EXTL3: variants seen among roughly 807,000 people sequenced by gnomAD.
The protein encoded by EXTL3 is exostosin like glycosyltransferase 3, also known as exostosin-like 3.
Under a neutral mutation model 69.3 loss-of-function variants are expected in EXTL3, and 27 were observed. That is an observed-to-expected ratio of 0.39 (90% CI 0.29 to 0.54). The LOEUF is 0.54. Among genes scored for constraint, EXTL3 ranks in the 20% least tolerant of loss-of-function variants. The pLI is 0.69. For synonymous variants in EXTL3, 511 were observed against 499.4 expected (o/e 1.02, Z -0.31); for missense variants, 1,003 against 1,231.8 (o/e 0.81, Z 2.78).
intron 1 of EXTL3, among the ~76,000 whole-genome samples, chr8:28,644,471 A>G (rs115619489): frequency 0.05 from 7,590 of 152,060 alleles, 506 homozygotes; most frequent in African/African-American, 0.15. Context: ...GGCCAAGACA[A>G]GAGGATCACT....
Position 28,626,499 on chromosome 8 carries a change from G to A in EXTL3, c.-53+3689G>A, listed in dbSNP as rs554999484. 4.6e-5 allele frequency among the ~76,000 whole-genome samples: 7 copies of A among 152,326 alleles called. No homozygotes were observed. The South Asian group carries it at 1.2e-3, about 27-fold the overall frequency. Reference sequence around the variant, plus strand: ...GTGGAACGTGTGGCCAAATGGTCATGCATTCCTAGACATTATCAGCTTTCT... The same window carrying A: ...GTGGAACGTGTGGCCAAATGGTCATACATTCCTAGACATTATCAGCTTTCT... On this transcript the variant is annotated intron_variant, in intron 1 of 6. Transcript: ENST00000523149.
chr8:28,749,158 A>G (rs1179108166), intron 6 of EXTL3, among the ~76,000 whole-genome samples: 2 of 152,198 alleles, frequency 1.3e-5, no homozygotes, highest in Non-Finnish European at 2.9e-5. Flanking sequence ...TCAGCCACCA[A>G]GAAAACAGCT....
chr8:28,679,317 G>A lies in EXTL3; in HGVS notation c.-52-34140G>A, dbSNP rs750219682. 5.3e-5 allele frequency among the ~76,000 whole-genome samples: 8 copies of A among 152,098 alleles called. 1 individual carries two copies. The highest frequency in any genetic ancestry group is 1.3e-4 in the Admixed American group (2 of 15,264). On this transcript the variant is annotated intron_variant, in intron 1 of 6. Coordinates refer to the EXTL3 transcript ENST00000523149. Reference sequence around the variant, plus strand: ...AAAAATTATCTGAGTGTGGTGGCGCGTGCCTGTAGTCCCAGCTACTCGGGA... The same window carrying A: ...AAAAATTATCTGAGTGTGGTGGCGCATGCCTGTAGTCCCAGCTACTCGGGA...
intron 1 of EXTL3, among the ~76,000 whole-genome samples, chr8:28,627,488 CAAA>C (rs35382851): frequency 1.4e-4 from 13 of 92,950 alleles, no homozygotes; most frequent in African/African-American, 1.3e-4. Context: ...GACCCTGTCT[CAAA>C]AAAAAAAAAA....
intron 2 of EXTL3, among the ~76,000 whole-genome samples, chr8:28,610,432 C>T (rs867990960): frequency 6.6e-6 from 1 of 152,074 alleles, no homozygotes; most frequent in South Asian, 2.1e-4. Context: ...GTTTCATTCC[C>T]CACCTGACCT....
intron 1 of EXTL3, among the ~76,000 whole-genome samples, chr8:28,707,818 G>A (rs1800954468): frequency 6.6e-6 from 1 of 152,152 alleles, no homozygotes; most frequent in African/African-American, 2.4e-5. Context: ...AATACGATTT[G>A]GATTTGTGGG....
chr8:28,681,400 T>A (rs2856803), intron 1 of EXTL3, among the ~76,000 whole-genome samples: 10 of 151,952 alleles, frequency 6.6e-5, no homozygotes, highest in Admixed American at 1.3e-4. Context: ...TGTCTGTAAT[T>A]CCAGCTATTC....
At chr8:28,743,280 G>A (rs1801817378) in intron 6 of EXTL3, 66 bp downstream of exon 6, 3 of 1,581,698 alleles carry the variant, frequency 1.9e-6, no homozygotes, top group Admixed American at 3.3e-5. Context: ...TTGCAGTAGT[G>A]CAGCACGTAA....
At chr8:28,690,767 A>G (rs1210028633) in intron 1 of EXTL3, among the ~76,000 whole-genome samples, 1 of 152,202 alleles carries the variant, frequency 6.6e-6, no homozygotes, top group Non-Finnish European at 1.5e-5. Context: ...AAGAAGGAGA[A>G]AGCAACCAAG....
At chr8:28,680,569 TTG>T (rs144099744) in intron 1 of EXTL3, among the ~76,000 whole-genome samples, 2 of 151,656 alleles carry the variant, frequency 1.3e-5, no homozygotes, top group African/African-American at 4.8e-5. Flanking sequence ...ACATACTTAT[TTG>T]TGTGTGTGTG....
chr8:28,716,296 G>C lies in EXTL3; in HGVS notation c.237G>C (p.Val79=), dbSNP rs767256866. The C allele has an allele frequency of 6.2e-7, 1 of 1,614,242 alleles. No individual in the cohort carries two copies. Among genetic ancestry groups the C allele is most frequent in the Non-Finnish European group, 8.5e-7 (1 of 1,180,040 alleles). Residue 79 remains valine, a synonymous_variant, in exon 3 of 7, where the codon GTG becomes GTC. Transcript: ENST00000220562. This position sits in a 1 kb window ranked among gnomAD's most constrained non-coding sequence, Gnocchi z 7.1. ...VGNELCEVKH[V]LDLCRIRESV... The stretch of plus-strand genomic sequence containing the variant: ...ACGAGCTGTGCGAGGTGAAGCACGT[G>C]CTGGATCTGTGCCGCATCCGGGAGT...
At position 28,731,258 on chromosome 8, in the gene EXTL3, A is replaced by T; in HGVS notation, c.2184A>T (p.Arg728=). Residue 728 remains arginine (R), a synonymous_variant, in exon 4 of 7, where the codon CGA becomes CGT. Coordinates refer to ENST00000220562, the MANE Select transcript of EXTL3 (RefSeq NM_001440.4). ...CTGAGAAGAACAGTTTGAACAACCGATTCTTACCCTGGAATGAAATTGAGA... is the reference window on the plus strand; with the variant it reads ...CTGAGAAGAACAGTTTGAACAACCGTTTCTTACCCTGGAATGAAATTGAGA... ...VRTEKNSLNN[R]FLPWNEIETE... 1 of 1,614,160 alleles carries T rather than the reference A, an allele frequency of 6.2e-7. No individual in the cohort carries two copies. The highest frequency in any genetic ancestry group is 8.5e-7 in the Non-Finnish European group (1 of 1,179,990).
Position 28,743,162 on chromosome 8 carries a change from A to T in EXTL3, c.2498A>T (p.Asp833Val). Residue 833 changes from aspartate to valine, a missense_variant, in exon 6 of 7, where the codon GAC becomes GTC. Asp to Val is a radical substitution (Grantham distance 152). Transcript: ENST00000220562. ...GTGGATGAATACATCAACTGTGAGG[A>T]CATTGCCATGAACTTCCTTGTCTCC... is the stretch of plus-strand genomic sequence containing the variant. ...DMVDEYINCE[D>V]IAMNFLVSHI... 6.2e-7 allele frequency: 1 copy of T among 1,614,230 alleles called. No individual in the cohort carries two copies. Among genetic ancestry groups the T allele is most frequent in the Non-Finnish European group, 8.5e-7 (1 of 1,180,016 alleles).
intron 2 of EXTL3, among the ~76,000 whole-genome samples, chr8:28,610,879 A>G (rs1270706861): frequency 6.6e-6 from 1 of 151,928 alleles, no homozygotes; most frequent in Non-Finnish European, 1.5e-5. Flanking sequence ...AGTAGCTGGG[A>G]TTACAGGCGC....
upstream of EXTL3, among the ~76,000 whole-genome samples, chr8:28,617,905 G>T (rs1683440864): frequency 6.6e-6 from 1 of 152,132 alleles, no homozygotes; most frequent in Admixed American, 6.6e-5. Flanking sequence ...GGCAAATATT[G>T]CACGATTCCA....
chr8:28,664,345 T>C (rs1470935090), intron 1 of EXTL3, among the ~76,000 whole-genome samples: 5 of 152,070 alleles, frequency 3.3e-5, no homozygotes, highest in African/African-American at 4.8e-5. Context: ...GGTGAGTGCA[T>C]GGGCAGAGAC....
At chr8:28,714,851 T>G (rs182666784) in intron 2 of EXTL3, among the ~76,000 whole-genome samples, 1 of 152,276 alleles carries the variant, frequency 6.6e-6, no homozygotes, top group African/African-American at 2.4e-5. Flanking sequence ...TGCACCTATC[T>G]CCATTTTAGA....
intron 2 of EXTL3, among the ~76,000 whole-genome samples, chr8:28,609,675 G>A (rs1481757386): frequency 6.6e-6 from 1 of 152,056 alleles, no homozygotes; most frequent in Non-Finnish European, 1.5e-5. Flanking sequence ...CTCTGGTGGA[G>A]CCCAGGAGTT....
At chr8:28,685,325 C>T (rs1371562289) in intron 1 of EXTL3, among the ~76,000 whole-genome samples, 2 of 152,064 alleles carry the variant, frequency 1.3e-5, no homozygotes, top group African/African-American at 2.4e-5. Flanking sequence ...GCATTTAGCT[C>T]TCATGTTTGT....
Sources: allele counts gnomAD v4.1 joint callset (sites outside exome capture counted in the v4.1 genomes callset), GRCh38; gene constraint gnomAD v4.1.1; non-coding constraint Gnocchi (gnomAD v3.1); transcripts MANE v1.5; gene names NCBI Gene and HGNC (gene_info 2026-07-23, HGNC 2026-07-21).